The following SLC39A11 variants were observed in gnomAD, a reference collection of about 807,000 sequenced individuals.
SLC39A11 encodes zinc transporter ZIP11.
In SLC39A11, 33 loss-of-function variants were observed where a neutral mutation model predicts 36.1. The observed-to-expected ratio is 0.91, with a 90% CI of 0.69 to 1.22. The LOEUF (loss-of-function observed/expected upper bound fraction) is 1.22, where lower values mean the gene tolerates loss of function less well. SLC39A11 is among the 50% of genes most tolerant of loss of function. The pLI is 0.00. For synonymous variants in SLC39A11, 166 were observed against 170.3 expected (o/e 0.97, Z 0.20); for missense variants, 432 against 430.3 (o/e 1.00, Z -0.03).
At chr17:72,824,942 G>T (rs1160696049) in intron 6 of SLC39A11, among the ~76,000 whole-genome samples, 1 of 151,376 alleles carries the variant, frequency 6.6e-6, no homozygotes, top group Non-Finnish European at 1.5e-5. Flanking sequence ...AGAGCAAAAA[G>T]TTTAGAAACT....
chr17:72,940,840 G>A (rs1010801048), intron 5 of SLC39A11, among the ~76,000 whole-genome samples: 12 of 152,152 alleles, frequency 7.9e-5, no homozygotes, highest in Admixed American at 6.5e-4. Context: ...CACGTCCCCC[G>A]CTTCAAATTT....
At chr17:72,880,411 C>A (rs905368157) in intron 5 of SLC39A11, among the ~76,000 whole-genome samples, 7 of 151,486 alleles carry the variant, frequency 4.6e-5, no homozygotes, top group Non-Finnish European at 1.0e-4. Flanking sequence ...TCTACTCCCC[C>A]ACAAAAAAAA....
intron 4 of SLC39A11, among the ~76,000 whole-genome samples, chr17:72,957,911 A>T (rs553189334): frequency 3.3e-5 from 5 of 152,058 alleles, no homozygotes; most frequent in African/African-American, 1.2e-4. Context: ...AATCGCTTGA[A>T]CCTAGAGGGG....
rs552296433 is a variant in SLC39A11 at position 72,940,683 on chromosome 17, G to A, written c.430+7069C>T. 3.5e-3 allele frequency among the ~76,000 whole-genome samples: 532 copies of A among 152,302 alleles called. 3 individuals are homozygous for A. The highest frequency in any genetic ancestry group is 5.0e-3 in the Non-Finnish European group (339 of 68,034). ...CAGCCCATGCAGGTATGAGGCTAAC[G>A]TAAGGAGGCAGCCATGCAGTGAGAG... is the stretch of plus-strand genomic sequence containing the variant. On this transcript the variant is annotated intron_variant, in intron 5 of 9. Coordinates refer to ENST00000255559, the MANE Select transcript of SLC39A11 (RefSeq NM_139177.4).
At position 72,649,196 on chromosome 17, in the gene SLC39A11, T is replaced by A; in HGVS notation, c.744A>T (p.Ala248=). Residue 248 remains alanine, a synonymous_variant, in exon 8 of 10, where the codon GCA becomes GCT. Transcript: ENST00000255559. The stretch of plus-strand genomic sequence containing the variant: ...AGAAAGCTCTCCAGGTGGAGAAGCC[T>A]GCCCCTCGCAAGGGAAGGCTGACAG... ...GLAVSLPLRG[A]GFSTWRAFWY... 6.2e-7 allele frequency: 1 copy of A among 1,614,194 alleles called. No individual in the cohort carries two copies. Among genetic ancestry groups the A allele is most frequent in the Non-Finnish European group, 8.5e-7 (1 of 1,180,008 alleles).
intron 6 of SLC39A11, among the ~76,000 whole-genome samples, chr17:72,778,655 C>A (rs1213278105): frequency 2.0e-5 from 3 of 152,230 alleles, no homozygotes; most frequent in Non-Finnish European, 4.4e-5. Context: ...CCACCACCAG[C>A]TGCTCTGTCC....
intron 5 of SLC39A11, among the ~76,000 whole-genome samples, chr17:72,876,368 A>G (rs181874725): frequency 1.5e-4 from 23 of 152,380 alleles, no homozygotes; most frequent in African/African-American, 5.0e-4. Context: ...CATGTTGTTA[A>G]GTTCCAAAAG....
At chr17:72,822,263 G>T (rs866779418) in intron 6 of SLC39A11, among the ~76,000 whole-genome samples, 3 of 147,532 alleles carry the variant, frequency 2.0e-5, no homozygotes, top group African/African-American at 7.4e-5. Flanking sequence ...TATATAGAGA[G>T]AGAGAATATA....
chr17:73,037,692 A>G (rs1458549140), intron 3 of SLC39A11, among the ~76,000 whole-genome samples: 2 of 152,246 alleles, frequency 1.3e-5, no homozygotes, highest in African/African-American at 4.8e-5. Context: ...ACCTTTGTCT[A>G]TAAAAGGAAT....
intron 5 of SLC39A11, among the ~76,000 whole-genome samples, chr17:72,923,233 A>G (rs983888441): frequency 6.6e-6 from 1 of 152,108 alleles, no homozygotes; most frequent in Non-Finnish European, 1.5e-5. Flanking sequence ...ACCCTGCCCC[A>G]TGGTCAGGGT....
chr17:72,967,636 G>C (rs1449382164), intron 4 of SLC39A11, among the ~76,000 whole-genome samples: 1 of 152,190 alleles, frequency 6.6e-6, no homozygotes, highest in Non-Finnish European at 1.5e-5. Flanking sequence ...CCAGAGGAGA[G>C]AGTGCTTTGC....
intron 4 of SLC39A11, among the ~76,000 whole-genome samples, chr17:72,954,040 T>A (rs1213689348): frequency 6.6e-6 from 1 of 152,194 alleles, no homozygotes; most frequent in East Asian, 1.9e-4. Context: ...TTCGTTTTTT[T>A]AAATTTTGTA....
chr17:72,986,358 G>T (rs1346577644), intron 4 of SLC39A11, among the ~76,000 whole-genome samples: 1 of 152,156 alleles, frequency 6.6e-6, no homozygotes, highest in African/African-American at 2.4e-5. Context: ...TGGTTGCCAA[G>T]CCTGGCCATG....
intron 3 of SLC39A11, among the ~76,000 whole-genome samples, chr17:73,059,465 G>A (rs12602669): frequency 0.079 from 12,010 of 151,424 alleles, 674 homozygotes; most frequent in East Asian, 0.22. Context: ...TCAGGAGTTC[G>A]AGACCAGCCT....
intron 5 of SLC39A11, among the ~76,000 whole-genome samples, chr17:72,947,020 G>T (rs60620371): frequency 0.041 from 6,280 of 152,278 alleles, 401 homozygotes; most frequent in African/African-American, 0.14. Context: ...TTGAATCAGT[G>T]AGAGAAACGT....
chr17:72,699,849 T>C (rs2072522930), intron 7 of SLC39A11, among the ~76,000 whole-genome samples: 1 of 152,132 alleles, frequency 6.6e-6, no homozygotes, highest in Non-Finnish European at 1.5e-5. Flanking sequence ...GTAGCTGAAA[T>C]CCTGAAATCA....
chr17:73,051,870 CAA>C (rs1029936869), intron 3 of SLC39A11, among the ~76,000 whole-genome samples: 9 of 147,774 alleles, frequency 6.1e-5, no homozygotes, highest in African/African-American at 7.5e-5. Flanking sequence ...AAGCAAAAAG[CAA>C]AAAGTTTGTT....
At chr17:72,789,404 C>T (rs2076627448) in intron 6 of SLC39A11, among the ~76,000 whole-genome samples, 1 of 152,088 alleles carries the variant, frequency 6.6e-6, no homozygotes, top group African/African-American at 2.4e-5. Flanking sequence ...CAATGGAGGC[C>T]ACCTCAAAAT....
At chr17:73,039,930 T>C (rs941293585) in intron 3 of SLC39A11, among the ~76,000 whole-genome samples, 1 of 152,116 alleles carries the variant, frequency 6.6e-6, no homozygotes, top group Non-Finnish European at 1.5e-5. Flanking sequence ...CTACCCCTAC[T>C]TGACAACTCA....
Sources: allele counts gnomAD v4.1 joint callset (sites outside exome capture counted in the v4.1 genomes callset), GRCh38; gene constraint gnomAD v4.1.1; transcripts MANE v1.5; gene names NCBI Gene and HGNC (gene_info 2026-07-23, HGNC 2026-07-21).